The following NEMP2 variants were observed in gnomAD, a reference collection of about 807,000 sequenced individuals.
NEMP2 encodes UPF0571 transmembrane protein.
A neutral mutation model predicts 54.2 loss-of-function variants in NEMP2; 53 were observed. The ratio of observed to expected loss-of-function variants is 0.98; its 90% CI spans 0.78 to 1.23. The LOEUF (loss-of-function observed/expected upper bound fraction) is 1.23. NEMP2 is among the 50% of genes most tolerant of loss of function. NEMP2 has a pLI of 0.00. For synonymous variants in NEMP2, 197 were observed against 190.3 expected (o/e 1.04, Z -0.29); for missense variants, 455 against 511.3 (o/e 0.89, Z 1.06).
the NEMP2 span, among the ~76,000 whole-genome samples, chr2:190,466,306 A>G: frequency 7.9e-5 from 12 of 152,222 alleles, no homozygotes; most frequent in Non-Finnish European, 1.5e-4. Flanking sequence ...AGTGCATACT[A>G]TGGCAGTTTA....
the NEMP2 span, among the ~76,000 whole-genome samples, chr2:190,452,561 T>C: frequency 3.9e-5 from 6 of 152,188 alleles, no homozygotes; most frequent in Non-Finnish European, 5.9e-5. Context: ...CAAAGTCATG[T>C]TCTCAGCTGC....
At chr2:190,436,020 G>T in the NEMP2 span, 1 of 1,596,382 alleles carries the variant, frequency 6.3e-7, no homozygotes. This position sits in a 1 kb window ranked among gnomAD's most constrained non-coding sequence, Gnocchi z 5.3. Flanking sequence ...GCTGATGGTG[G>T]TGGTAAGCCA....
chr2:190,561,047 C>T, the NEMP2 span, among the ~76,000 whole-genome samples: 2 of 152,274 alleles, frequency 1.3e-5, no homozygotes, highest in African/African-American at 2.4e-5. This position sits in a 1 kb window ranked among gnomAD's most constrained non-coding sequence, Gnocchi z 5.4. Context: ...AGTGCTTCTT[C>T]CTCGAGGACT....
At chr2:190,581,713 GT>G in the NEMP2 span, among the ~76,000 whole-genome samples, 1 of 152,126 alleles carries the variant, frequency 6.6e-6, no homozygotes, top group Admixed American at 6.5e-5. Context: ...AGATATATAT[GT>G]TCTATGAAGT....
At chr2:190,624,140 G>C in the NEMP2 span, among the ~76,000 whole-genome samples, 1 of 152,040 alleles carries the variant, frequency 6.6e-6, no homozygotes, top group African/African-American at 2.4e-5. Context: ...GGGGGCAAAA[G>C]ACCCAAATAG....
chr2:190,540,770 C>G, the NEMP2 span, among the ~76,000 whole-genome samples: 1 of 152,128 alleles, frequency 6.6e-6, no homozygotes, highest in Non-Finnish European at 1.5e-5. Flanking sequence ...TGTATTCCCT[C>G]CTCAATTTTT....
At chr2:190,540,190 C>T in the NEMP2 span, among the ~76,000 whole-genome samples, 1 of 151,974 alleles carries the variant, frequency 6.6e-6, no homozygotes, top group East Asian at 1.9e-4. Flanking sequence ...GGTTTTTGTT[C>T]TGGGTTCTGT....
rs948743489 is a variant in NEMP2, at chr2:190,514,256, C to T, written c.953+197G>A. On this transcript the variant is annotated intron_variant, in intron 7 of 8. Coordinates refer to ENST00000409150, the MANE Select transcript of NEMP2 (RefSeq NM_001142645.2). The surrounding 1 kb of genome is among the most constrained non-coding windows in gnomAD (Gnocchi z 5.7). ...TGGTAATTGGTGGTACAGCTCTCAACGATTAATGAAGACTAGCCATGAAGA... is the reference window on the plus strand; with the variant it reads ...TGGTAATTGGTGGTACAGCTCTCAATGATTAATGAAGACTAGCCATGAAGA... Among the ~76,000 whole-genome samples the T allele has an allele frequency of 1.2e-4, 19 of 152,174 alleles. No individual in the cohort carries two copies. Among genetic ancestry groups the T allele is most frequent in the Non-Finnish European group, 2.4e-4 (16 of 68,040 alleles).
chr2:190,429,484 C>T, the NEMP2 span, among the ~76,000 whole-genome samples: 1 of 152,114 alleles, frequency 6.6e-6, no homozygotes, highest in African/African-American at 2.4e-5. Flanking sequence ...CACCACCATG[C>T]CCAGCTAATT....
the NEMP2 span, among the ~76,000 whole-genome samples, chr2:190,640,284 A>T: frequency 1.3e-5 from 2 of 152,346 alleles, no homozygotes; most frequent in Admixed American, 1.3e-4. Context: ...GGCTGAAATC[A>T]TATGGACATG....
chr2:190,504,261 G>A (rs951406766), downstream of NEMP2: 4 of 152,200 alleles, frequency 2.6e-5, no homozygotes, highest in African/African-American at 9.7e-5. The surrounding 1 kb of genome is among the most constrained non-coding windows in gnomAD (Gnocchi z 5.6). Context: ...TACAGTGTGT[G>A]CTCCATAAAT....
chr2:190,571,685 G>C, the NEMP2 span, among the ~76,000 whole-genome samples: 1 of 152,154 alleles, frequency 6.6e-6, no homozygotes, highest in Non-Finnish European at 1.5e-5. Flanking sequence ...GATCCCTAGA[G>C]TCAAACCACA....
chr2:190,578,567 G>A, the NEMP2 span, among the ~76,000 whole-genome samples: 1 of 152,168 alleles, frequency 6.6e-6, no homozygotes, highest in African/African-American at 2.4e-5. This position sits in a 1 kb window ranked among gnomAD's most constrained non-coding sequence, Gnocchi z 4.4. Flanking sequence ...GTGTGGGGTA[G>A]TATATATGGT....
At chr2:190,550,723 CTTA>C in the NEMP2 span, among the ~76,000 whole-genome samples, 1 of 152,152 alleles carries the variant, frequency 6.6e-6, no homozygotes, top group Non-Finnish European at 1.5e-5. The surrounding 1 kb of genome is among the most constrained non-coding windows in gnomAD (Gnocchi z 4.7). Flanking sequence ...TTAACTCACA[CTTA>C]TTATTAGTTT....
chr2:190,569,009 A>G, the NEMP2 span, among the ~76,000 whole-genome samples: 1 of 152,190 alleles, frequency 6.6e-6, no homozygotes, highest in Non-Finnish European at 1.5e-5. Flanking sequence ...TAAAATGTGG[A>G]GATAAACACC....
the NEMP2 span, among the ~76,000 whole-genome samples, chr2:190,646,173 T>C: frequency 0.24 from 36,280 of 152,196 alleles, 4,434 homozygotes; most frequent in Middle Eastern, 0.26. Flanking sequence ...TGTTAGCACA[T>C]TCTTACACCT....
At chr2:190,466,598 T>C in the NEMP2 span, among the ~76,000 whole-genome samples, 5 of 152,216 alleles carry the variant, frequency 3.3e-5, no homozygotes, top group Non-Finnish European at 7.3e-5. Flanking sequence ...AATCATTTAT[T>C]GAGTGCTTAT....
rs1374077122 is a variant in NEMP2 at position 190,518,985 on chromosome 2, T to C, written c.412A>G (p.Ile138Val). Reference sequence around the variant, plus strand: ...TTCACATGTATCATATAGTTAAATATCTTCTTGACAGGCTCCACAGAGAAG... The same window carrying C: ...TTCACATGTATCATATAGTTAAATACCTTCTTGACAGGCTCCACAGAGAAG... The part of the protein sequence containing the change: ...VCFSVEPVKK[I>V]FNYMIHVNRN... Residue 138 changes from isoleucine to valine, a missense_variant, in exon 3 of 9, where the codon ATA (isoleucine) becomes GTA (valine). Physicochemically the swap from Ile to Val is conservative, Grantham distance 29 (BLOSUM62 3). This residue lies in a region of NEMP2 where 61 missense variants were observed against 97.5 expected (regional missense o/e 0.63). Coordinates refer to ENST00000409150, the MANE Select transcript of NEMP2 (RefSeq NM_001142645.2). 4.5e-6 allele frequency: 7 copies of C among 1,551,320 alleles called. No homozygotes were observed. The highest frequency in any genetic ancestry group is 2.0e-5 in the Admixed American group (1 of 50,984).
chr2:190,629,198 GAC>G, the NEMP2 span, among the ~76,000 whole-genome samples: 9 of 152,184 alleles, frequency 5.9e-5, no homozygotes, highest in Non-Finnish European at 1.0e-4. Flanking sequence ...AAGCCATCAT[GAC>G]ACAGCCCGAT....
Sources: allele counts gnomAD v4.1 joint callset (sites outside exome capture counted in the v4.1 genomes callset), GRCh38; gene constraint gnomAD v4.1.1; regional missense constraint gnomAD v4.1.1; non-coding constraint Gnocchi (gnomAD v3.1); transcripts MANE v1.5; gene names NCBI Gene and HGNC (gene_info 2026-07-23, HGNC 2026-07-21).